The following SLC39A11 variants were observed in gnomAD, a reference collection of about 807,000 sequenced individuals.
The protein encoded by SLC39A11 is solute carrier family 39 member 11, also known as zinc transporter ZIP11.
SLC39A11 carries 33 observed loss-of-function variants against 36.1 expected under a neutral mutation model. The observed-to-expected ratio is 0.91, with a 90% CI of 0.69 to 1.22. SLC39A11 has a LOEUF of 1.22. Ranked by LOEUF, SLC39A11 falls within the 50% of genes most tolerant of loss-of-function variation. SLC39A11 has a pLI of 0.00. For missense variants in SLC39A11, 432 were observed against 430.3 expected (o/e 1.00, Z -0.03); for synonymous variants, 166 against 170.3 (o/e 0.97, Z 0.20).
intron 4 of SLC39A11, among the ~76,000 whole-genome samples, chr17:72,954,716 C>T (rs1245484938): frequency 1.3e-5 from 2 of 152,214 alleles, no homozygotes; most frequent in South Asian, 2.1e-4. Flanking sequence ...CCCTGATCAA[C>T]AGTCAGAATA....
intron 6 of SLC39A11, among the ~76,000 whole-genome samples, chr17:72,765,245 G>C (rs2075721553): frequency 6.6e-6 from 1 of 152,010 alleles, no homozygotes; most frequent in African/African-American, 2.4e-5. Context: ...TTCTTCCCTG[G>C]ACCCTTGACT....
chr17:72,982,019 G>C (rs2088357783), intron 4 of SLC39A11, among the ~76,000 whole-genome samples: 1 of 152,116 alleles, frequency 6.6e-6, no homozygotes, highest in Admixed American at 6.5e-5. Flanking sequence ...AAGGCAAGAG[G>C]ATTGCTTGAG....
intron 5 of SLC39A11, among the ~76,000 whole-genome samples, chr17:72,897,572 T>C (rs1430553193): frequency 2.0e-5 from 3 of 152,074 alleles, no homozygotes; most frequent in African/African-American, 7.2e-5. Flanking sequence ...GAGGAGCCGA[T>C]GGGTTGAGTT....
At chr17:72,822,508 C>T (rs937515783) in intron 6 of SLC39A11, among the ~76,000 whole-genome samples, 5 of 150,896 alleles carry the variant, frequency 3.3e-5, no homozygotes, top group Non-Finnish European at 7.4e-5. Context: ...CCTATGCCCT[C>T]AGCTTCACGT....
At chr17:72,774,127 T>G (rs1034762102) in intron 6 of SLC39A11, among the ~76,000 whole-genome samples, 1 of 152,200 alleles carries the variant, frequency 6.6e-6, no homozygotes, top group African/African-American at 2.4e-5. Context: ...TAAGTAGCTG[T>G]GCTTACACTG....
At chr17:72,686,870 C>T (rs1242349239) in intron 7 of SLC39A11, among the ~76,000 whole-genome samples, 1 of 152,174 alleles carries the variant, frequency 6.6e-6, no homozygotes, top group Non-Finnish European at 1.5e-5. Context: ...CTGCCACTTG[C>T]CATTAAAGGA....
intron 7 of SLC39A11, among the ~76,000 whole-genome samples, chr17:72,722,700 T>C (rs2073745106): frequency 6.6e-6 from 1 of 151,732 alleles, no homozygotes; most frequent in African/African-American, 2.4e-5. Context: ...AATGGCACGA[T>C]CTCAGCTCAC....
rs181128787 is a variant in SLC39A11, at chr17:72,897,398, C to T, written c.431-47594G>A. On this transcript the variant is annotated intron_variant, in intron 5 of 9. Coordinates refer to ENST00000255559, the MANE Select transcript of SLC39A11 (RefSeq NM_139177.4). ...TAGCCACACTTCGGGGCTTGATAGA[C>T]ATGTGAAGCTAGTGGCATCTGTACT... Among the ~76,000 whole-genome samples, 23 of 152,294 alleles carry T rather than the reference C, an allele frequency of 1.5e-4. 1 individual carries two copies. Among genetic ancestry groups the T allele is most frequent in the Admixed American group, 5.2e-4 (8 of 15,304 alleles).
chr17:72,901,213 G>A (rs1027105717), intron 5 of SLC39A11, among the ~76,000 whole-genome samples: 24 of 152,216 alleles, frequency 1.6e-4, no homozygotes, highest in African/African-American at 5.3e-4. Context: ...CCTGGACTGC[G>A]GGAGCTGGAG....
intron 7 of SLC39A11, among the ~76,000 whole-genome samples, chr17:72,665,940 C>G (rs2070736500): frequency 6.6e-6 from 1 of 152,164 alleles, no homozygotes; most frequent in Admixed American, 6.5e-5. Flanking sequence ...TCTCTGTTCA[C>G]TGATTTATCC....
At chr17:73,041,239 G>A (rs2059105344) in intron 3 of SLC39A11, among the ~76,000 whole-genome samples, 1 of 152,144 alleles carries the variant, frequency 6.6e-6, no homozygotes, top group African/African-American at 2.4e-5. Flanking sequence ...AGGATCCAAA[G>A]GCCAAAGTCA....
chr17:73,027,763 T>C (rs1390002557), intron 4 of SLC39A11, among the ~76,000 whole-genome samples: 1 of 152,208 alleles, frequency 6.6e-6, no homozygotes, highest in Non-Finnish European at 1.5e-5. Context: ...GGTGGGTGGC[T>C]CTGACGCTCC....
chr17:72,940,156 C>T (rs1026337187), intron 5 of SLC39A11, among the ~76,000 whole-genome samples: 11 of 152,166 alleles, frequency 7.2e-5, no homozygotes, highest in East Asian at 3.8e-4. Flanking sequence ...TTAACTGAGC[C>T]GACTGTTTCA....
intron 6 of SLC39A11, among the ~76,000 whole-genome samples, chr17:72,829,118 G>A (rs768252078): frequency 1.6e-4 from 25 of 152,064 alleles, no homozygotes; most frequent in Non-Finnish European, 2.9e-5. Context: ...TTGAGAGGCC[G>A]AGGTGGGAGG....
At chr17:72,818,296 A>T (rs1178719907) in intron 6 of SLC39A11, among the ~76,000 whole-genome samples, 1 of 152,130 alleles carries the variant, frequency 6.6e-6, no homozygotes, top group African/African-American at 2.4e-5. Flanking sequence ...CAGCCTGCTG[A>T]GGTTCTTGTC....
At chr17:73,049,262 G>C (rs2059418485) in intron 3 of SLC39A11, among the ~76,000 whole-genome samples, 1 of 152,150 alleles carries the variant, frequency 6.6e-6, no homozygotes. Context: ...TGGGGGCAGG[G>C]GCTTCAACTA....
At chr17:72,816,322 CTG>C (rs1186990951) in intron 6 of SLC39A11, among the ~76,000 whole-genome samples, 3 of 152,072 alleles carry the variant, frequency 2.0e-5, no homozygotes, top group Non-Finnish European at 4.4e-5. Context: ...TCAGAGAGTT[CTG>C]TTGTTGTTGT....
At chr17:72,865,411 G>GAAAA (rs34706790) in intron 5 of SLC39A11, among the ~76,000 whole-genome samples, 4 of 113,244 alleles carry the variant, frequency 3.5e-5, no homozygotes, top group East Asian at 2.6e-4. Context: ...AAAACTGCTC[G>GAAAA]AAAAAAAAAA....
chr17:72,920,695 A>ACCTACCC (rs199652823), intron 5 of SLC39A11, among the ~76,000 whole-genome samples: 1 of 133,256 alleles, frequency 7.5e-6, no homozygotes, highest in African/African-American at 2.9e-5. Flanking sequence ...CCCTTACAAC[A>ACCTACCC]CCTACACCCC....
Sources: gnomAD v4.1 joint callset for allele counts (sites outside exome capture counted in the v4.1 genomes callset) on GRCh38, gnomAD v4.1.1 for gene constraint, MANE v1.5 for transcripts, NCBI Gene and HGNC (gene_info 2026-07-23, HGNC 2026-07-21) for gene names.